The following CD200R1 variants were observed in gnomAD, a reference collection of about 807,000 sequenced individuals.
The protein encoded by CD200R1 is CD200 receptor 1.
A neutral mutation model predicts 38.1 loss-of-function variants in CD200R1; 30 were observed. The observed-to-expected ratio is 0.79, with a 90% CI of 0.59 to 1.07. The LOEUF (loss-of-function observed/expected upper bound fraction) is 1.07, where lower values mean the gene tolerates loss of function less well. CD200R1 is among the 50% of genes least tolerant of loss of function. The pLI is 0.00. For missense variants in CD200R1, 372 were observed against 415.4 expected (o/e 0.90, Z 0.91); for synonymous variants, 128 against 152.1 (o/e 0.84, Z 1.16).
At chr3:112,961,433 A>G (rs1933016860) in intron 1 of CD200R1, among the ~76,000 whole-genome samples, 1 of 152,154 alleles carries the variant, frequency 6.6e-6, no homozygotes, top group Non-Finnish European at 1.5e-5. Flanking sequence ...GGAAGAAAAT[A>G]TAAGTAATTT....
intron 2 of CD200R1, among the ~76,000 whole-genome samples, chr3:112,939,581 C>T (rs893478467): frequency 2.6e-5 from 4 of 151,414 alleles, no homozygotes; most frequent in African/African-American, 9.7e-5. Flanking sequence ...ATGAATTTAA[C>T]CAAGGAGATG....
chr3:112,943,393 G>A (rs1272188410), intron 2 of CD200R1, among the ~76,000 whole-genome samples: 3 of 151,536 alleles, frequency 2.0e-5, no homozygotes, highest in Non-Finnish European at 4.4e-5. Flanking sequence ...GGTGAAAAAA[G>A]AAACCTAAAG....
chr3:112,938,238 G>C (rs1420706342), intron 2 of CD200R1, among the ~76,000 whole-genome samples: 1 of 152,130 alleles, frequency 6.6e-6, no homozygotes, highest in Admixed American at 6.6e-5. Context: ...TTAAATAGAA[G>C]TGGTGAGAGA....
At chr3:112,957,781 C>A (rs1353725787) in intron 1 of CD200R1, among the ~76,000 whole-genome samples, 1 of 152,042 alleles carries the variant, frequency 6.6e-6, no homozygotes, top group African/African-American at 2.4e-5. Flanking sequence ...AGAACGGTTA[C>A]AATTCAATAA....
intron 1 of CD200R1, among the ~76,000 whole-genome samples, chr3:112,966,406 G>A (rs182317910): frequency 6.4e-4 from 97 of 152,244 alleles, no homozygotes; most frequent in African/African-American, 2.3e-3. Flanking sequence ...GGAACAACTA[G>A]GGAAGAGCCA....
At chr3:112,971,251 A>G (rs1933302758) in intron 1 of CD200R1, among the ~76,000 whole-genome samples, 2 of 152,254 alleles carry the variant, frequency 1.3e-5, no homozygotes, top group Admixed American at 6.5e-5. Context: ...TAAATAATAC[A>G]TAAGTAGCTA....
At chr3:112,971,758 C>T (rs776989384) in intron 1 of CD200R1, among the ~76,000 whole-genome samples, 49 of 152,092 alleles carry the variant, frequency 3.2e-4, no homozygotes, top group Admixed American at 4.6e-4. Flanking sequence ...GCCTTATTTC[C>T]TACTATTATT....
At chr3:112,942,253 T>A (rs1459939100) in intron 2 of CD200R1, among the ~76,000 whole-genome samples, 1 of 151,624 alleles carries the variant, frequency 6.6e-6, no homozygotes, top group Non-Finnish European at 1.5e-5. Flanking sequence ...ATAGTAACAA[T>A]GTATTTGATT....
rs1940193452 is a variant in CD200R1, at chr3:112,922,480, A to AT, written c.*1196dup. 1.3e-5 allele frequency: 2 copies of AT among 151,996 alleles called. No homozygotes were observed. The highest frequency in any genetic ancestry group is 2.1e-4 in the South Asian group (1 of 4,822). The allele number at this position is 151,996 out of a possible 1,614,324, so 9.4% of individuals were successfully genotyped here. The stretch of plus-strand genomic sequence containing the variant: ...AAATACCCCATGTCCTCTATGGTGC[A>AT]TTTTTCGCCACTTATATGGTCAATA... On this transcript the variant is annotated 3_prime_UTR_variant, in exon 8 of 8. Transcript: ENST00000308611.
At chr3:112,960,752 T>C (rs1932997451) in intron 1 of CD200R1, among the ~76,000 whole-genome samples, 1 of 151,946 alleles carries the variant, frequency 6.6e-6, no homozygotes, top group South Asian at 2.1e-4. Context: ...GGGATATAAC[T>C]GGGGAGGAAA....
At chr3:112,946,558 A>T (rs1940863847) in intron 2 of CD200R1, among the ~76,000 whole-genome samples, 1 of 152,232 alleles carries the variant, frequency 6.6e-6, no homozygotes, top group Non-Finnish European at 1.5e-5. Context: ...GTACATATTT[A>T]TGGAAAATAA....
chr3:112,966,045 C>T (rs1389924028), intron 1 of CD200R1, among the ~76,000 whole-genome samples: 3 of 152,266 alleles, frequency 2.0e-5, no homozygotes, highest in East Asian at 1.9e-4. Context: ...AGTAGCTCGG[C>T]AGAGCTCAGG....
intron 4 of CD200R1, 60 bp from the exon 5 acceptor site, chr3:112,929,124 A>G: frequency 6.2e-7 from 1 of 1,612,234 alleles, no homozygotes; most frequent in South Asian, 1.1e-5. Flanking sequence ...TATGGAATTC[A>G]GAGAGACATT....
At position 112,929,280 on chromosome 3, in the gene CD200R1, T is replaced by G. The variant is rs4596117; in HGVS notation, c.430A>C (p.Thr144Pro). 890,470 of 1,613,328 alleles carry G rather than the reference T, an allele frequency of 0.55. 248,138 individuals are homozygous for G. The highest frequency in any genetic ancestry group is 0.7 in the East Asian group (31,287 of 44,828). The change falls in exon 4 of 8, where the codon ACC becomes CCC. Residue 144 changes from threonine (T) to proline (P), a missense_variant. Thr to Pro is a conservative substitution (Grantham distance 38, BLOSUM62 -1). Transcript: ENST00000308611. ...TACCCGTCATGAGTGATGGCCACGG[T>G]ACGAATCTGAAGGTCCGAATTCTGA... is the stretch of plus-strand genomic sequence containing the variant. ...PDQNSDLQIR[T>P]VAITHDGYYR...
At chr3:112,964,380 T>C (rs1933104043) in intron 1 of CD200R1, among the ~76,000 whole-genome samples, 1 of 152,188 alleles carries the variant, frequency 6.6e-6, no homozygotes, top group African/African-American at 2.4e-5. Flanking sequence ...GGAGGGTGGC[T>C]GTACCCTGCA....
intron 1 of CD200R1, among the ~76,000 whole-genome samples, chr3:112,960,571 A>G (rs1932992667): frequency 6.6e-6 from 1 of 152,056 alleles, no homozygotes; most frequent in Non-Finnish European, 1.5e-5. Context: ...AAAATCATAT[A>G]CACAGTATGA....
intron 2 of CD200R1, among the ~76,000 whole-genome samples, chr3:112,936,417 C>T (rs745504095): frequency 2.6e-5 from 4 of 152,238 alleles, no homozygotes; most frequent in African/African-American, 7.2e-5. Context: ...TACACTCCCA[C>T]CAACAGTGTA....
intron 1 of CD200R1, among the ~76,000 whole-genome samples, chr3:112,962,738 A>G (rs1488193): frequency 0.91 from 138,429 of 152,244 alleles, 63,146 homozygotes; most frequent in Middle Eastern, 0.94. Flanking sequence ...ATAACCCATG[A>G]GCTGCCAAAT....
At chr3:112,958,498 T>C (rs1226626915) in intron 1 of CD200R1, among the ~76,000 whole-genome samples, 1 of 152,168 alleles carries the variant, frequency 6.6e-6, no homozygotes, top group African/African-American at 2.4e-5. Flanking sequence ...GGACTAAAGA[T>C]ACATGAGAAA....
Sources: gnomAD v4.1 joint callset for allele counts (sites outside exome capture counted in the v4.1 genomes callset) on GRCh38, gnomAD v4.1.1 for gene constraint, MANE v1.5 for transcripts, NCBI Gene and HGNC (gene_info 2026-07-23, HGNC 2026-07-21) for gene names.